The following MYOM2 variants were observed in gnomAD, a reference collection of about 807,000 sequenced individuals.
The protein encoded by MYOM2 is myomesin 2.
A neutral mutation model predicts 187.6 loss-of-function variants in MYOM2; 254 were observed. That is an observed-to-expected ratio of 1.35 (90% CI 1.22 to 1.50). The LOEUF is 1.50. MYOM2 is among the 40% of genes most tolerant of loss of function. MYOM2 has a pLI of 0.00. For synonymous variants in MYOM2, 981 were observed against 753.8 expected (o/e 1.30, Z -4.94); for missense variants, 2,796 against 1,924.0 (o/e 1.45, Z -8.48).
At chr8:2,122,534 T>C (rs1312478770) in intron 28 of MYOM2, among the ~76,000 whole-genome samples, 2 of 152,240 alleles carry the variant, frequency 1.3e-5, no homozygotes, top group Non-Finnish European at 2.9e-5. Flanking sequence ...TGTTGAATCA[T>C]TTTCATTCTT....
intron 3 of MYOM2, among the ~76,000 whole-genome samples, chr8:2,055,809 G>A (rs1484138954): frequency 6.6e-6 from 1 of 152,262 alleles, no homozygotes; most frequent in East Asian, 1.9e-4. Flanking sequence ...GCGGGTCTCA[G>A]TTCTCCCCAG....
rs1796245860 is a variant in MYOM2, at chr8:2,090,108, T to A, written c.1745T>A (p.Val582Glu). Residue 582 changes from valine (V) to glutamate (E), a missense_variant, in exon 15 of 37, where the codon GTG (valine) becomes GAG (glutamate). Coordinates refer to ENST00000262113, the MANE Select transcript of MYOM2 (RefSeq NM_003970.4). ...GACCTCATGGAAGGGAAGTCTTATG[T>A]GTTCCGAGTGCTGTCAGCAAACCGG... ...VFDLMEGKSY[V>E]FRVLSANRHG... 1 of 1,613,948 alleles carries A rather than the reference T, an allele frequency of 6.2e-7. No homozygotes were observed. The highest frequency in any genetic ancestry group is 1.3e-5 in the African/African-American group (1 of 74,980).
At chr8:2,136,531 C>T (rs967227001) in intron 32 of MYOM2, among the ~76,000 whole-genome samples, 2 of 152,176 alleles carry the variant, frequency 1.3e-5, no homozygotes, top group Admixed American at 6.5e-5. Flanking sequence ...AAGAATCTCT[C>T]GCTGAAGTAG....
intron 36 of MYOM2, 128 bp from the exon 37 acceptor site, chr8:2,144,536 G>T (rs1488095921): frequency 2.0e-6 from 2 of 978,716 alleles, no homozygotes; most frequent in East Asian, 2.4e-5. Flanking sequence ...ATAAAGGCTT[G>T]TTTCTAAACA....
In MYOM2 at chr8:2,094,067, G is replaced by A. The variant is rs35335787; in HGVS notation, c.2101G>A (p.Val701Ile). ...GMSENSQESD[V>I]IKVQAALTVP... ...GAGTGAAAATTCCCAGGAATCAGAC[G>A]TCATAAAAGTGCAGGCCGCACTCAG... is the stretch of plus-strand genomic sequence containing the variant. The change falls in exon 17 of 37, where the codon GTC becomes ATC. Residue 701 changes from valine to isoleucine, a missense_variant. Physicochemically the swap from Val to Ile is conservative, Grantham distance 29. Coordinates refer to ENST00000262113, the MANE Select transcript of MYOM2 (RefSeq NM_003970.4). The A allele has an allele frequency of 0.049, 78,737 of 1,614,044 alleles. 2,362 individuals carry two copies. Among genetic ancestry groups the A allele is most frequent in the Non-Finnish European group, 0.056 (66,403 of 1,179,956 alleles).
chr8:2,057,046 G>A (rs1284730785), intron 3 of MYOM2, among the ~76,000 whole-genome samples: 2 of 152,184 alleles, frequency 1.3e-5, no homozygotes, highest in Non-Finnish European at 2.9e-5. Context: ...GGGCCTCCAA[G>A]CGGTTTGCAG....
intron 6 of MYOM2, among the ~76,000 whole-genome samples, chr8:2,068,613 TG>T (rs1819105218): frequency 6.6e-6 from 1 of 152,122 alleles, no homozygotes; most frequent in African/African-American, 2.4e-5. Flanking sequence ...GAGAGCATCC[TG>T]GGCGCAGCTC....
At chr8:2,096,516 T>C in intron 18 of MYOM2, 82 bp downstream of exon 18, 1 of 1,339,144 alleles carries the variant, frequency 7.5e-7, no homozygotes, top group South Asian at 1.4e-5. Flanking sequence ...TTTGATGACA[T>C]TAGATAGTTT....
intron 6 of MYOM2, among the ~76,000 whole-genome samples, chr8:2,066,123 G>A (rs754523793): frequency 3.3e-5 from 5 of 152,208 alleles, no homozygotes; most frequent in African/African-American, 1.2e-4. Context: ...GACCTGCTGG[G>A]CTTGGGGACA....
intron 6 of MYOM2, among the ~76,000 whole-genome samples, chr8:2,066,639 C>T (rs1430247833): frequency 6.6e-6 from 1 of 152,254 alleles, no homozygotes; most frequent in Non-Finnish European, 1.5e-5. Context: ...CCTCCTTCCA[C>T]CGCGGACCCC....
intron 15 of MYOM2, among the ~76,000 whole-genome samples, 181 bp from the exon 16 acceptor site, chr8:2,092,165 C>A (rs1377864567): frequency 1.3e-5 from 2 of 152,004 alleles, no homozygotes; most frequent in Non-Finnish European, 2.9e-5. Context: ...ACCAGCACCT[C>A]CCAATGGCCC....
At chr8:2,140,998 C>T (rs1798255586) in intron 33 of MYOM2, 112 bp downstream of exon 33, 5 of 1,344,750 alleles carry the variant, frequency 3.7e-6, no homozygotes, top group Non-Finnish European at 4.0e-6. Context: ...TTACAATTTT[C>T]ATTTAGAGAA....
chr8:2,125,879 G>C (rs1205039778), intron 31 of MYOM2, among the ~76,000 whole-genome samples: 1 of 151,688 alleles, frequency 6.6e-6, no homozygotes, highest in Non-Finnish European at 1.5e-5. Context: ...GCCTCCCTAA[G>C]TGCTGGGATT....
intron 20 of MYOM2, chr8:2,102,405 A>C (rs1336235890): frequency 5.2e-6 from 2 of 386,374 alleles, no homozygotes; most frequent in Non-Finnish European, 9.4e-6. Flanking sequence ...GTATGATTTT[A>C]CTTCTGCTTT....
chr8:2,059,262 G>T lies in MYOM2; in HGVS notation c.653+17G>T. The T allele has an allele frequency of 6.2e-7, 1 of 1,610,300 alleles. No homozygotes were observed. Among genetic ancestry groups the T allele is most frequent in the Non-Finnish European group, 8.5e-7 (1 of 1,176,988 alleles). ...GATCAACAGGTATGGCTGTGGTGGG[G>T]GCTCTGGACGCTGGCGTCCAGTAAT... is the stretch of plus-strand genomic sequence containing the variant. On this transcript the variant is annotated intron_variant, in intron 6 of 36. Coordinates refer to ENST00000262113, the MANE Select transcript of MYOM2 (RefSeq NM_003970.4).
At position 2,090,007 on chromosome 8, in the gene MYOM2, G is replaced by C. The variant is rs139233882; in HGVS notation, c.1645-1G>C. 2 of 1,613,484 alleles carry C rather than the reference G, an allele frequency of 1.2e-6. No homozygotes were observed. Among genetic ancestry groups the C allele is most frequent in the Non-Finnish European group, 1.7e-6 (2 of 1,179,750 alleles). On this transcript the variant is annotated splice_acceptor_variant, in intron 14 of 36. Transcript: ENST00000262113. LOFTEE classifies it high-confidence loss of function. Reference sequence around the variant, plus strand: ...AGTCTCGTTTCTGTTTCTCTTTGTAGTCCGTGGTGGGGAGCGGCAGCTGGC... The same window carrying C: ...AGTCTCGTTTCTGTTTCTCTTTGTACTCCGTGGTGGGGAGCGGCAGCTGGC...
At chr8:2,136,994 T>C (rs1202131930) in intron 32 of MYOM2, among the ~76,000 whole-genome samples, 1 of 152,114 alleles carries the variant, frequency 6.6e-6, no homozygotes. Context: ...TCTTCATGGC[T>C]CTAAGTCTAA....
rs1011456240 is a variant in MYOM2, at chr8:2,140,610, T to C, written c.3801-113T>C. 16 of 1,001,770 alleles carry C rather than the reference T, an allele frequency of 1.6e-5. No individual in the cohort carries two copies. The South Asian group carries it at 3.0e-4, about 19-fold the overall frequency. The allele number at this position is 1,001,770 out of a possible 1,614,324, so 62.1% of individuals were successfully genotyped here. A position where few individuals can be genotyped will look rare whatever the true frequency, so the allele number is the denominator to read the frequency against. On this transcript the variant is annotated intron_variant, in intron 32 of 36. Transcript: ENST00000262113. ...ACAGCCAGAATAATCTATTGTGACA[T>C]TGGCATCAGCAGCTTAGAGAAGGCT... is the stretch of plus-strand genomic sequence containing the variant.
intron 32 of MYOM2, among the ~76,000 whole-genome samples, chr8:2,133,692 C>G (rs1585968773): frequency 6.6e-6 from 1 of 152,120 alleles, no homozygotes; most frequent in Non-Finnish European, 1.5e-5. Flanking sequence ...AACTCCTGAC[C>G]TCAGGTGATC....
Sources: gnomAD v4.1 joint callset for allele counts (sites outside exome capture counted in the v4.1 genomes callset) on GRCh38, gnomAD v4.1.1 for gene constraint, MANE v1.5 for transcripts, NCBI Gene and HGNC (gene_info 2026-07-23, HGNC 2026-07-21) for gene names.